The following DIDO1 variants were observed in gnomAD, a reference collection of about 807,000 sequenced individuals.
The protein encoded by DIDO1 is death inducer-obliterator 1, also known as death-inducer obliterator 1.
DIDO1 carries 16 observed loss-of-function variants against 99.4 expected under a neutral mutation model. The observed-to-expected ratio is 0.16, with a 90% CI of 0.11 to 0.24. The LOEUF (loss-of-function observed/expected upper bound fraction) is 0.24. Among genes scored for constraint, DIDO1 ranks in the 10% least tolerant of loss-of-function variants. The pLI is 1.00. For missense variants in DIDO1, 2,996 were observed against 3,014.0 expected (o/e 0.99, Z 0.14); for synonymous variants, 1,366 against 1,239.1 (o/e 1.10, Z -2.15).
Position 62,896,849 on chromosome 20 carries a change from G to C in DIDO1, c.1736C>G (p.Ala579Gly). 1 of 1,613,988 alleles carries C rather than the reference G, an allele frequency of 6.2e-7. No homozygotes were observed. Among genetic ancestry groups the C allele is most frequent in the Non-Finnish European group, 8.5e-7 (1 of 1,180,054 alleles). The change falls in exon 7 of 16, where the codon GCC (alanine) becomes GGC (glycine). Residue 579 changes from alanine to glycine, a missense_variant. This residue lies in a region of DIDO1 where 898 missense variants were observed against 972.7 expected (regional missense o/e 0.92). Coordinates refer to ENST00000395343, the MANE Select transcript of DIDO1 (RefSeq NM_001193369.2). This position sits in a 1 kb window ranked among gnomAD's most constrained non-coding sequence, Gnocchi z 4.4. ...KKSSFANVAA[A>G]TPAIKKPPSG... The stretch of plus-strand genomic sequence containing the variant: ...GGGTGGCTTTTTAATGGCTGGTGTG[G>C]CTGCTGCCACATTAGCAAAAGAAGA...
At chr20:62,889,047 G>A (rs772420568) in intron 15 of DIDO1, 3 of 985,520 alleles carry the variant, frequency 3.0e-6, no homozygotes, top group Non-Finnish European at 2.4e-6. Flanking sequence ...GTCAGGCGGC[G>A]TCGTGGCCTC....
intron 14 of DIDO1, among the ~76,000 whole-genome samples, chr20:62,891,445 C>A (rs1394973730): frequency 6.6e-6 from 1 of 152,152 alleles, no homozygotes; most frequent in African/African-American, 2.4e-5. Context: ...AACTAGACGA[C>A]AGGGTCTAGC....
chr20:62,904,110 A>G (rs1169741686), intron 6 of DIDO1, among the ~76,000 whole-genome samples: 3 of 152,216 alleles, frequency 2.0e-5, no homozygotes, highest in South Asian at 2.1e-4. Context: ...AACTGAAATT[A>G]TCACCCACTT....
intron 3 of DIDO1, 48 bp downstream of exon 3, chr20:62,910,726 T>C: frequency 3.8e-6 from 6 of 1,566,014 alleles, no homozygotes; most frequent in Non-Finnish European, 5.2e-6. Context: ...AAATGGAAAA[T>C]TCTGTTTGCA....
intron 15 of DIDO1, among the ~76,000 whole-genome samples, chr20:62,886,595 A>G (rs6512322): frequency 0.43 from 65,316 of 151,954 alleles, 15,542 homozygotes; most frequent in African/African-American, 0.65. Context: ...TGCAGGAAGC[A>G]CCCTCGGTAC....
rs2064207865 is a variant in DIDO1 at position 62,881,622 on chromosome 20, G to A, written c.4334C>T (p.Pro1445Leu). 2 of 1,612,406 alleles carry A rather than the reference G, an allele frequency of 1.2e-6. No homozygotes were observed. The highest frequency in any genetic ancestry group is 4.5e-5 in the East Asian group (2 of 44,894). The change falls in exon 16 of 16, where the codon CCC (proline) becomes CTC (leucine). Residue 1445 changes from proline to leucine, a missense_variant. By Grantham distance (98) the Pro-to-Leu change is moderately conservative. Around this residue, in one of 5 missense-constraint regions of DIDO1, gnomAD observed 1,562 missense variants for 1,412.6 expected, o/e 1.11. Coordinates refer to ENST00000395343, the MANE Select transcript of DIDO1 (RefSeq NM_001193369.2). This position sits in a 1 kb window ranked among gnomAD's most constrained non-coding sequence, Gnocchi z 8.3. ...TCTCACGTCGGCACACATCCTGTTG[G>A]GCAGGTCATCAACAGTCACTTTCGC... The part of the protein sequence containing the change: ...EEAKVTVDDL[P>L]NRMCADVRRN...
At chr20:62,905,208 G>GGCACGC (rs1450270617) in intron 6 of DIDO1, 3 of 1,143,098 alleles carry the variant, frequency 2.6e-6, no homozygotes, top group Non-Finnish European at 3.2e-6. Flanking sequence ...CCAAGTCCAA[G>GGCACGC]GCACGCGTCC....
In DIDO1 at chr20:62,907,327, A is replaced by G. The variant is rs1401420830; in HGVS notation, c.1194T>C (p.Ile398=). 4 of 1,614,098 alleles carry G rather than the reference A, an allele frequency of 2.5e-6. No homozygotes were observed. Among genetic ancestry groups the G allele is most frequent in the Non-Finnish European group, 8.5e-7 (1 of 1,180,060 alleles). Residue 398 remains isoleucine (I), a synonymous_variant, in exon 5 of 16, where the codon ATT becomes ATC. Transcript: ENST00000395343. Reference sequence around the variant, plus strand: ...GCGCCACGTGACAGCACCCGGGGCCAATACATTTTGAGGCACCAGGCGCCT... The same window carrying G: ...GCGCCACGTGACAGCACCCGGGGCCGATACATTTTGAGGCACCAGGCGCCT... ...VIEAPGASKC[I]GPGCCHVAQP... is the part of the protein sequence containing the mutation.
intron 15 of DIDO1, among the ~76,000 whole-genome samples, chr20:62,883,275 C>G (rs2064243252): frequency 6.6e-6 from 1 of 152,080 alleles, no homozygotes; most frequent in Admixed American, 6.5e-5. Flanking sequence ...TCTAAATATA[C>G]TAATATTAAA....
At chr20:62,889,700 C>G (rs1200699216) in intron 15 of DIDO1, 2 of 985,326 alleles carry the variant, frequency 2.0e-6, no homozygotes, top group African/African-American at 3.5e-5. Flanking sequence ...CAAGCAACAC[C>G]AAGAACCTCT....
upstream of DIDO1, among the ~76,000 whole-genome samples, chr20:62,929,962 G>A (rs1298784908): frequency 2.6e-5 from 4 of 151,804 alleles, no homozygotes; most frequent in Admixed American, 2.6e-4. Flanking sequence ...TGCCAGGCGC[G>A]GTGGTTCAAG....
chr20:62,893,097 C>T, intron 12 of DIDO1, 135 bp from the exon 13 acceptor site: 3 of 934,642 alleles, frequency 3.2e-6, no homozygotes, highest in Non-Finnish European at 4.7e-6. Flanking sequence ...TGCAACACAG[C>T]TGGCTGCAGT....
At chr20:62,898,903 T>C (rs975021536) in intron 6 of DIDO1, among the ~76,000 whole-genome samples, 11 of 152,234 alleles carry the variant, frequency 7.2e-5, no homozygotes, top group African/African-American at 1.9e-4. Context: ...TGAAAATCTG[T>C]TTTTAACAAC....
rs2064945346 is a variant in DIDO1, at chr20:62,911,659, C to CA, written c.-2-46dup. 1 of 1,485,794 alleles carries CA rather than the reference C, an allele frequency of 6.7e-7. No homozygotes were observed. The highest frequency in any genetic ancestry group is 9.0e-7 in the Non-Finnish European group (1 of 1,114,026). 92.0% of individuals were successfully genotyped at this position (1,485,794 alleles called of 1,614,324 possible). A position where few individuals can be genotyped will look rare whatever the true frequency, so the allele number is the denominator to read the frequency against. ...ACATAGTGACCAACTGACCACAGAA[C>CA]AAAAGGTGACATTGCCGCCAAACAC... is the stretch of plus-strand genomic sequence containing the variant. On this transcript the variant is annotated intron_variant, in intron 2 of 15. Coordinates refer to ENST00000395343, the MANE Select transcript of DIDO1 (RefSeq NM_001193369.2). The surrounding 1 kb of genome is among the most constrained non-coding windows in gnomAD (Gnocchi z 7.0).
In DIDO1 at chr20:62,880,871, G is replaced by T. The variant is rs1021395069; in HGVS notation, c.5085C>A (p.Leu1695=). ...CPGFASQDKA[L]GSAQYEDPRN... ...TTGGGTCCTCATACTGGGCTGAGCC[G>T]AGAGCCTTGTCCTGCGACGCGAACC... The change falls in exon 16 of 16, where the codon CTC becomes CTA. Residue 1695 remains leucine (L), a synonymous_variant. Transcript: ENST00000395343. 9 of 1,612,610 alleles carry T rather than the reference G, an allele frequency of 5.6e-6. No individual in the cohort carries two copies. Among genetic ancestry groups the T allele is most frequent in the Non-Finnish European group, 7.6e-6 (9 of 1,179,988 alleles).
At chr20:62,882,886 G>C (rs1002529632) in intron 15 of DIDO1, among the ~76,000 whole-genome samples, 10 of 148,832 alleles carry the variant, frequency 6.7e-5, no homozygotes, top group Non-Finnish European at 1.5e-4. Context: ...TCTTCCCCTC[G>C]TGCCACTGCC....
intron 14 of DIDO1, 104 bp downstream of exon 14, chr20:62,891,883 C>A: frequency 2.2e-6 from 2 of 922,832 alleles, no homozygotes; most frequent in East Asian, 2.7e-5. Flanking sequence ...AAGCTACAGG[C>A]TAACATTTTA....
intron 6 of DIDO1, among the ~76,000 whole-genome samples, chr20:62,897,416 G>C (rs962985552): frequency 6.6e-6 from 1 of 152,204 alleles, no homozygotes; most frequent in Non-Finnish European, 1.5e-5. Flanking sequence ...AGACCGTTTA[G>C]AAGCGTAAAA....
chr20:62,877,926 TAAAC>T lies in DIDO1; in HGVS notation c.*1303_*1306del, dbSNP rs1001176297. ...AATTAGAAAAATTTGCTTTATATGT[TAAAC>T]AAACAAAACCTTCTCATCGTACTAG... On this transcript the variant is annotated 3_prime_UTR_variant, in exon 16 of 16. Transcript: ENST00000395343. The T allele has an allele frequency of 1.1e-4, 16 of 152,364 alleles. No individual in the cohort carries two copies. The highest frequency in any genetic ancestry group is 2.1e-4 in the South Asian group (1 of 4,826). The allele number at this position is 152,364 out of a possible 1,614,324, so 9.4% of individuals were successfully genotyped here.
Sources: gnomAD v4.1 joint callset for allele counts (sites outside exome capture counted in the v4.1 genomes callset) on GRCh38, gnomAD v4.1.1 for gene constraint, gnomAD v4.1.1 regional missense constraint, Gnocchi (gnomAD v3.1) non-coding constraint, MANE v1.5 for transcripts, NCBI Gene and HGNC (gene_info 2026-07-23, HGNC 2026-07-21) for gene names.